The following PLEKHG1 variants were observed in gnomAD, a reference collection of about 807,000 sequenced individuals.
PLEKHG1 encodes pleckstrin homology domain-containing family G member 1.
PLEKHG1 carries 44 observed loss-of-function variants against 100.8 expected under a neutral mutation model. The observed-to-expected ratio is 0.44, with a 90% CI of 0.34 to 0.56. PLEKHG1 has a LOEUF of 0.56. PLEKHG1 is among the 20% of genes least tolerant of loss of function. The pLI is 0.01. For synonymous variants in PLEKHG1, 640 were observed against 662.5 expected (o/e 0.97, Z 0.52); for missense variants, 1,545 against 1,720.9 (o/e 0.90, Z 1.81).
At chr6:150,754,829 C>T (rs1014586697) in intron 2 of PLEKHG1, among the ~76,000 whole-genome samples, 1 of 151,918 alleles carries the variant, frequency 6.6e-6, no homozygotes. Context: ...CCACCACACC[C>T]GGCTAATTTT....
chr6:150,761,157 G>A (rs1784141243), intron 2 of PLEKHG1, among the ~76,000 whole-genome samples: 1 of 137,828 alleles, frequency 7.3e-6, no homozygotes, highest in African/African-American at 2.8e-5. Flanking sequence ...CCAGGCTGGA[G>A]TGCAGTGGCA....
At chr6:150,807,624 G>A (rs373545887) in intron 7 of PLEKHG1, among the ~76,000 whole-genome samples, 34 of 152,256 alleles carry the variant, frequency 2.2e-4, no homozygotes, top group African/African-American at 7.5e-4. Context: ...GCACTAAAAC[G>A]GGGAGTGGGG....
exon 15 of PLEKHG1, chr6:150,830,889 T>A: frequency 6.2e-7 from 1 of 1,614,162 alleles, no homozygotes; most frequent in African/African-American, 1.3e-5. Flanking sequence ...ATGGGACAGA[T>A]GGAGTCCACA....
intron 3 of PLEKHG1, among the ~76,000 whole-genome samples, chr6:150,676,892 A>G (rs1338682471): frequency 6.6e-6 from 1 of 151,918 alleles, no homozygotes; most frequent in Non-Finnish European, 1.5e-5. Flanking sequence ...CCTTAACCAC[A>G]AGCTTCAGCC....
At chr6:150,664,383 A>G (rs571205258) in intron 3 of PLEKHG1, 26 of 152,384 alleles carry the variant, frequency 1.7e-4, no homozygotes, top group African/African-American at 6.3e-4. Flanking sequence ...CAGCTATGCC[A>G]TATGACTATG....
intron 2 of PLEKHG1, among the ~76,000 whole-genome samples, chr6:150,759,269 G>C (rs1784025453): frequency 1.3e-5 from 2 of 152,172 alleles, no homozygotes; most frequent in African/African-American, 4.8e-5. Flanking sequence ...AAAACATGAA[G>C]GCAGTGGGTA....
At chr6:150,637,561 G>T (rs1177587176) in intron 1 of PLEKHG1, among the ~76,000 whole-genome samples, 1 of 151,932 alleles carries the variant, frequency 6.6e-6, no homozygotes. Flanking sequence ...GATTATTTCA[G>T]TCTAGATTCA....
intron 1 of PLEKHG1, among the ~76,000 whole-genome samples, chr6:150,630,613 A>G (rs2128561384): frequency 6.6e-6 from 1 of 152,348 alleles, no homozygotes; most frequent in East Asian, 1.9e-4. Flanking sequence ...TGGCTACGCT[A>G]GGTCTGAAAG....
At chr6:150,686,814 G>A (rs375726349) in intron 3 of PLEKHG1, 103 of 152,764 alleles carry the variant, frequency 6.7e-4, no homozygotes, top group African/African-American at 2.3e-3. Flanking sequence ...ATTCTCCTGC[G>A]GTGACAGCCT....
intron 1 of PLEKHG1, among the ~76,000 whole-genome samples, chr6:150,606,057 T>C (rs1776586787): frequency 6.6e-6 from 1 of 152,242 alleles, no homozygotes; most frequent in African/African-American, 2.4e-5. Context: ...AATAATAATA[T>C]AGTACATAAA....
chr6:150,780,971 T>G (rs1047652622), intron 3 of PLEKHG1, among the ~76,000 whole-genome samples: 5 of 151,748 alleles, frequency 3.3e-5, no homozygotes, highest in African/African-American at 4.8e-5. Flanking sequence ...CCTCCCGGGT[T>G]CAAGCAATTC....
intron 3 of PLEKHG1, among the ~76,000 whole-genome samples, chr6:150,779,320 CAG>C (rs1363433353): frequency 2.8e-5 from 4 of 142,110 alleles, no homozygotes; most frequent in Admixed American, 7.1e-5. Flanking sequence ...ATTTAAAACA[CAG>C]GGGGTTAAAT....
exon 16 of PLEKHG1, chr6:150,841,318 G>C (rs966301017): frequency 1.9e-5 from 5 of 266,626 alleles, no homozygotes; most frequent in Non-Finnish European, 3.7e-5. Flanking sequence ...AACGAAAGCT[G>C]TTGAAAGAAT....
chr6:150,702,347 G>A (rs1271561043), intron 3 of PLEKHG1, among the ~76,000 whole-genome samples: 1 of 152,122 alleles, frequency 6.6e-6, no homozygotes, highest in Non-Finnish European at 1.5e-5. Context: ...GCACATGCCT[G>A]TAATCCCAGC....
chr6:150,674,065 T>C (rs1779660835), intron 3 of PLEKHG1, among the ~76,000 whole-genome samples: 1 of 152,108 alleles, frequency 6.6e-6, no homozygotes, highest in Admixed American at 6.5e-5. Context: ...AGGAATTTAT[T>C]TAAGGAAAAA....
At chr6:150,752,340 C>T (rs1408554394) in intron 2 of PLEKHG1, among the ~76,000 whole-genome samples, 1 of 152,236 alleles carries the variant, frequency 6.6e-6, no homozygotes, top group South Asian at 2.1e-4. Context: ...AATTCAGTGG[C>T]ATTAAGTATA....
At chr6:150,761,781 T>G (rs1175773095) in intron 2 of PLEKHG1, among the ~76,000 whole-genome samples, 1 of 152,194 alleles carries the variant, frequency 6.6e-6, no homozygotes, top group Non-Finnish European at 1.5e-5. Flanking sequence ...CAAAGATGTA[T>G]TTCTCTTTCT....
At chr6:150,825,141 A>G (rs994266624) in intron 14 of PLEKHG1, among the ~76,000 whole-genome samples, 7 of 152,228 alleles carry the variant, frequency 4.6e-5, no homozygotes, top group African/African-American at 1.7e-4. Context: ...AGCCAGGTCC[A>G]TATGGGCATA....
intron 3 of PLEKHG1, among the ~76,000 whole-genome samples, chr6:150,665,038 C>T (rs921791967): frequency 2.0e-5 from 3 of 151,998 alleles, no homozygotes; most frequent in African/African-American, 4.8e-5. Flanking sequence ...AGGTTGCAAC[C>T]GGGAGAACAG....
Sources: gnomAD v4.1 joint callset for allele counts (sites outside exome capture counted in the v4.1 genomes callset) on GRCh38, gnomAD v4.1.1 for gene constraint, MANE v1.5 for transcripts, NCBI Gene and HGNC (gene_info 2026-07-23, HGNC 2026-07-21) for gene names.